The following STPG2 variants were observed in gnomAD, a reference collection of about 807,000 sequenced individuals.
STPG2 encodes sperm-tail PG-rich repeat-containing protein 2.
A neutral mutation model predicts 54.2 loss-of-function variants in STPG2; 56 were observed. The observed-to-expected ratio is 1.03, with a 90% CI of 0.83 to 1.29. The LOEUF (loss-of-function observed/expected upper bound fraction) is 1.29. Ranked by LOEUF, STPG2 falls within the 50% of genes most tolerant of loss-of-function variation. The pLI, the probability that STPG2 is intolerant of heterozygous loss-of-function variation, is 0.00. For synonymous variants in STPG2, 200 were observed against 181.8 expected (o/e 1.10, Z -0.81); for missense variants, 596 against 544.9 (o/e 1.09, Z -0.93).
intron 1 of STPG2, among the ~76,000 whole-genome samples, chr4:98,142,341 T>C (rs538336665): frequency 1.3e-5 from 2 of 152,320 alleles, no homozygotes; most frequent in East Asian, 1.9e-4. Flanking sequence ...ATTTGGACGG[T>C]ATTAAGCTCC....
chr4:97,878,563 C>T lies in STPG2; in HGVS notation c.1045-37631G>A, dbSNP rs572815145. ...TGTGAAGCCACAGCCCAAGCTGTAC[C>T]TTGCTCCATTTTAGCCATGGCTACA... is the stretch of plus-strand genomic sequence containing the variant. On this transcript the variant is annotated intron_variant, in intron 8 of 10. Coordinates refer to ENST00000295268, the MANE Select transcript of STPG2 (RefSeq NM_174952.3). 2.0e-5 allele frequency among the ~76,000 whole-genome samples: 3 copies of T among 152,302 alleles called. No individual in the cohort carries two copies. The South Asian group carries it at 6.2e-4, about 32-fold the overall frequency.
rs186110468 is a variant in STPG2 at position 97,584,922 on chromosome 4, T to G, written c.1321-25805A>C. Among the ~76,000 whole-genome samples, 205 of 151,852 alleles carry G rather than the reference T, an allele frequency of 1.4e-3. 1 individual carries two copies. Among genetic ancestry groups the G allele is most frequent in the Non-Finnish European group, 1.8e-3 (119 of 67,866 alleles). ...GAACCAGATGGATTCACAGCTGAAT[T>G]CTTTCAGGCACTCAGAGAATAATTG... On this transcript the variant is annotated intron_variant, in intron 10 of 10. Transcript: ENST00000295268.
chr4:98,126,221 G>A (rs1739825041), intron 3 of STPG2, among the ~76,000 whole-genome samples: 1 of 152,160 alleles, frequency 6.6e-6, no homozygotes, highest in Admixed American at 6.5e-5. Context: ...CTACAGGAGT[G>A]GATGATCTCC....
intron 4 of STPG2, among the ~76,000 whole-genome samples, chr4:97,537,166 T>A (rs923122590): frequency 6.6e-6 from 1 of 152,108 alleles, no homozygotes; most frequent in Non-Finnish European, 1.5e-5. Context: ...GGTACCGTGT[T>A]CATCTCACTG....
At chr4:97,554,873 G>C (rs184285673), downstream of STPG2, among the ~76,000 whole-genome samples, 9 of 152,232 alleles carry the variant, frequency 5.9e-5, no homozygotes, top group African/African-American at 2.2e-4. Context: ...CCACCCTAAA[G>C]TATGACTGTA....
intron 10 of STPG2, among the ~76,000 whole-genome samples, chr4:97,606,675 G>A (rs1454113257): frequency 6.6e-6 from 1 of 151,770 alleles, no homozygotes; most frequent in Non-Finnish European, 1.5e-5. Context: ...TGTATATATT[G>A]TAATTATTTT....
At chr4:97,690,016 G>T (rs1046886204) in intron 10 of STPG2, among the ~76,000 whole-genome samples, 2 of 151,938 alleles carry the variant, frequency 1.3e-5, no homozygotes, top group African/African-American at 4.8e-5. Flanking sequence ...CAGAGTTCAG[G>T]GGACTGAAAA....
chr4:97,824,068 TG>T (rs1728177244), intron 9 of STPG2, among the ~76,000 whole-genome samples: 1 of 152,176 alleles, frequency 6.6e-6, no homozygotes, highest in East Asian at 1.9e-4. Flanking sequence ...CGGCTATGGG[TG>T]GCAGAATTAG....
At position 97,582,398 on chromosome 4, in the gene STPG2, A is replaced by G. The variant is rs368775063; in HGVS notation, c.1321-23281T>C. 3.3e-5 allele frequency among the ~76,000 whole-genome samples: 5 copies of G among 152,210 alleles called. No individual in the cohort carries two copies. In the East Asian group the frequency reaches 7.7e-4, roughly 23 times the overall value. On this transcript the variant is annotated intron_variant, in intron 10 of 10. Coordinates refer to ENST00000295268, the MANE Select transcript of STPG2 (RefSeq NM_174952.3). ...TTTTGGTAAAAATGTCATGGCAAGCAATAGTGAATGAAGACAAAAGTGAGT... is the reference window on the plus strand; with the variant it reads ...TTTTGGTAAAAATGTCATGGCAAGCGATAGTGAATGAAGACAAAAGTGAGT...
At chr4:97,921,747 G>A (rs1732116872) in intron 8 of STPG2, among the ~76,000 whole-genome samples, 1 of 152,112 alleles carries the variant, frequency 6.6e-6, no homozygotes, top group African/African-American at 2.4e-5. Flanking sequence ...TCGCAGATCT[G>A]GAGTAGAAAA....
chr4:97,684,440 C>T (rs1383630231), intron 10 of STPG2, among the ~76,000 whole-genome samples: 1 of 151,852 alleles, frequency 6.6e-6, no homozygotes, highest in African/African-American at 2.4e-5. Context: ...ACAAGTACAG[C>T]CAACTGATCT....
At chr4:97,967,480 C>A (rs1175551013) in intron 7 of STPG2, among the ~76,000 whole-genome samples, 1 of 152,094 alleles carries the variant, frequency 6.6e-6, no homozygotes, top group Non-Finnish European at 1.5e-5. Flanking sequence ...ATATCCAGGA[C>A]TTGAACTCAG....
chr4:97,939,927 A>T (rs1447911178), intron 8 of STPG2, among the ~76,000 whole-genome samples: 1 of 152,134 alleles, frequency 6.6e-6, no homozygotes, highest in Non-Finnish European at 1.5e-5. Context: ...TGTGTTTCAT[A>T]TTAGCTGGTA....
intron 8 of STPG2, among the ~76,000 whole-genome samples, chr4:97,853,784 TTTA>T (rs1560555229): frequency 2.0e-5 from 3 of 152,162 alleles, no homozygotes; most frequent in Non-Finnish European, 4.4e-5. Context: ...TGATACTGTT[TTTA>T]TTTTTTTATT....
At chr4:97,666,668 A>G (rs1722536703) in intron 10 of STPG2, among the ~76,000 whole-genome samples, 1 of 152,206 alleles carries the variant, frequency 6.6e-6, no homozygotes, top group Non-Finnish European at 1.5e-5. Flanking sequence ...ATAACAATTG[A>G]CATTTATTGT....
At chr4:97,577,983 T>G (rs556529467) in intron 10 of STPG2, among the ~76,000 whole-genome samples, 94 of 152,278 alleles carry the variant, frequency 6.2e-4, no homozygotes, top group African/African-American at 2.2e-3. Flanking sequence ...TATATCCATT[T>G]TCAGAAATTT....
At chr4:97,478,248 G>A (rs1262433073) in intron 4 of STPG2, among the ~76,000 whole-genome samples, 3 of 152,154 alleles carry the variant, frequency 2.0e-5, no homozygotes, top group South Asian at 2.1e-4. Context: ...GAGTCAAGTA[G>A]TATGGAGAAT....
chr4:97,592,589 T>C (rs1733173942), intron 10 of STPG2, among the ~76,000 whole-genome samples: 1 of 152,008 alleles, frequency 6.6e-6, no homozygotes, highest in Non-Finnish European at 1.5e-5. Context: ...CTAAGAGACC[T>C]GAACATCAGG....
intron 10 of STPG2, among the ~76,000 whole-genome samples, chr4:97,678,026 G>A (rs1722907172): frequency 6.6e-6 from 1 of 151,808 alleles, no homozygotes; most frequent in Admixed American, 6.6e-5. Flanking sequence ...GGGGAAAAAA[G>A]CCATATAATT....
Sources: allele counts gnomAD v4.1 joint callset (sites outside exome capture counted in the v4.1 genomes callset), GRCh38; gene constraint gnomAD v4.1.1; transcripts MANE v1.5; gene names NCBI Gene and HGNC (gene_info 2026-07-23, HGNC 2026-07-21).